The following PRKCA variants were observed in gnomAD, a reference collection of about 807,000 sequenced individuals.
PRKCA encodes protein kinase C alpha.
Under a neutral mutation model 87.0 loss-of-function variants are expected in PRKCA, and 27 were observed. That is an observed-to-expected ratio of 0.31 (90% CI 0.23 to 0.43). The LOEUF (loss-of-function observed/expected upper bound fraction) is 0.43. Among genes scored for constraint, PRKCA ranks in the 20% least tolerant of loss-of-function variants. The pLI is 1.00. For missense variants in PRKCA, 518 were observed against 852.3 expected (o/e 0.61, Z 4.88); for synonymous variants, 329 against 311.1 (o/e 1.06, Z -0.61).
chr17:66,453,621 C>G (rs1228488730), intron 2 of PRKCA, among the ~76,000 whole-genome samples: 1 of 152,116 alleles, frequency 6.6e-6, no homozygotes, highest in Non-Finnish European at 1.5e-5. Context: ...CCCAGCCCCC[C>G]TGATCTTTAG....
At chr17:66,788,724 T>C in intron 15 of PRKCA, 115 bp from the exon 16 acceptor site, 1 of 1,239,648 alleles carries the variant, frequency 8.1e-7, no homozygotes. Context: ...CTCTCTGAGA[T>C]GCTGTCCAGG....
At chr17:66,687,360 C>A in intron 6 of PRKCA, 93 bp downstream of exon 6, 3 of 1,384,690 alleles carry the variant, frequency 2.2e-6, no homozygotes, top group South Asian at 1.4e-5. Context: ...TCATTATAAA[C>A]GTCTTTAAAC....
At chr17:66,450,616 T>C (rs1914259155) in intron 2 of PRKCA, among the ~76,000 whole-genome samples, 1 of 152,156 alleles carries the variant, frequency 6.6e-6, no homozygotes, top group Admixed American at 6.5e-5. Flanking sequence ...ACAGGTGCAC[T>C]TTTTCTCTTG....
intron 2 of PRKCA, among the ~76,000 whole-genome samples, chr17:66,445,375 G>T (rs544150484): frequency 6.6e-6 from 1 of 152,362 alleles, no homozygotes; most frequent in South Asian, 2.1e-4. Context: ...GATCCAGGCT[G>T]ATCCTGACAC....
rs145863652 is a variant in PRKCA at position 66,744,356 on chromosome 17, A to C, written c.1524+1596A>C. ...GTATTTATTCTGAAGCCTGTTACTA[A>C]ATGACAGGTATTAAGCAGGCTGTGA... On this transcript the variant is annotated intron_variant, in intron 13 of 16. Transcript: ENST00000413366. Among the ~76,000 whole-genome samples, 343 of 152,356 alleles carry C rather than the reference A, an allele frequency of 2.3e-3. 2 individuals carry two copies. Among genetic ancestry groups the C allele is most frequent in the Middle Eastern group, 0.01 (3 of 294 alleles).
At chr17:66,389,267 G>T (rs1345971147) in intron 2 of PRKCA, among the ~76,000 whole-genome samples, 4 of 152,192 alleles carry the variant, frequency 2.6e-5, no homozygotes, top group African/African-American at 9.7e-5. Context: ...AGAAAGGCTG[G>T]CCTTGAAGGG....
intron 14 of PRKCA, chr17:66,775,168 G>GA (rs1975018185): frequency 1.0e-6 from 1 of 966,488 alleles, no homozygotes; most frequent in Non-Finnish European, 1.2e-6. Context: ...TGACCCTGTG[G>GA]TCAGTGCCCA....
intron 2 of PRKCA, among the ~76,000 whole-genome samples, chr17:66,386,631 C>T (rs541178945): frequency 2.0e-5 from 3 of 152,202 alleles, no homozygotes; most frequent in South Asian, 4.1e-4. Context: ...TGTGCCTTTG[C>T]ACACTTGAGA....
intron 3 of PRKCA, among the ~76,000 whole-genome samples, chr17:66,612,505 T>A (rs1456808943): frequency 6.6e-6 from 1 of 152,072 alleles, no homozygotes; most frequent in Non-Finnish European, 1.5e-5. Context: ...ATTCTGGTAG[T>A]GGAAGAAACC....
rs930948283 is a variant in PRKCA at position 66,508,707 on chromosome 17, C to T, written c.288+12424C>T. 2.0e-5 allele frequency among the ~76,000 whole-genome samples: 3 copies of T among 152,278 alleles called. No individual in the cohort carries two copies. The East Asian group carries it at 5.8e-4, about 29-fold the overall frequency. On this transcript the variant is annotated intron_variant, in intron 3 of 16. Coordinates refer to ENST00000413366, the MANE Select transcript of PRKCA (RefSeq NM_002737.3). ...TTCCAAGTGCTACGAGTTCTGCTTT[C>T]AACTCTCTTTCCTCTCCATCTCCAT... is the stretch of plus-strand genomic sequence containing the variant.
intron 5 of PRKCA, among the ~76,000 whole-genome samples, chr17:66,650,964 A>C (rs933378368): frequency 4.6e-5 from 7 of 152,208 alleles, no homozygotes; most frequent in Non-Finnish European, 7.3e-5. Flanking sequence ...ACCGTGTCAC[A>C]GACTGTGTGG....
intron 2 of PRKCA, among the ~76,000 whole-genome samples, chr17:66,440,665 C>A (rs1913688065): frequency 6.6e-6 from 1 of 152,062 alleles, no homozygotes; most frequent in Non-Finnish European, 1.5e-5. Flanking sequence ...TTTTTGAGGC[C>A]TGGACAACCC....
intron 3 of PRKCA, among the ~76,000 whole-genome samples, chr17:66,500,305 G>T (rs1049502048): frequency 1.3e-5 from 2 of 152,204 alleles, no homozygotes; most frequent in African/African-American, 4.8e-5. Flanking sequence ...CTGGCTGTAT[G>T]CAGGATGATT....
At chr17:66,669,691 A>C (rs11656338) in intron 5 of PRKCA, among the ~76,000 whole-genome samples, 16,183 of 152,146 alleles carry the variant, frequency 0.11, 935 homozygotes, top group Middle Eastern at 0.18. Flanking sequence ...ACTTGAACTC[A>C]GGAGTTCAAG....
At chr17:66,751,114 C>A (rs1974416989) in intron 13 of PRKCA, among the ~76,000 whole-genome samples, 2 of 152,190 alleles carry the variant, frequency 1.3e-5, no homozygotes, top group Non-Finnish European at 2.9e-5. Flanking sequence ...GATTTCTGAG[C>A]TTATTTCGCC....
chr17:66,683,710 G>A (rs139471600), intron 5 of PRKCA, among the ~76,000 whole-genome samples: 3,856 of 152,082 alleles, frequency 0.025, 68 homozygotes, highest in Middle Eastern at 0.041. Context: ...AGCGATTCTC[G>A]TGCCTCAGTC....
chr17:66,543,472 T>G (rs1425641531), intron 3 of PRKCA, among the ~76,000 whole-genome samples: 2 of 152,228 alleles, frequency 1.3e-5, no homozygotes, highest in East Asian at 1.9e-4. Flanking sequence ...ATGAAATCAG[T>G]GAGTTCCAGC....
At chr17:66,668,041 C>A (rs977838654) in intron 5 of PRKCA, among the ~76,000 whole-genome samples, 1 of 152,166 alleles carries the variant, frequency 6.6e-6, no homozygotes, top group Non-Finnish European at 1.5e-5. Context: ...AAACAATTAT[C>A]AGTGGTCTGG....
chr17:66,805,076 G>T lies in PRKCA; in HGVS notation c.*1039G>T. On this transcript the variant is annotated 3_prime_UTR_variant, in exon 17 of 17. Transcript: ENST00000413366. ...AATGGAAGTGCTGACTCTAGCATCA[G>T]CCTCTACCGATTGATTTTCCTCCCT... The T allele has an allele frequency of 1.0e-6, 1 of 982,568 alleles. No homozygotes were observed. Among genetic ancestry groups the T allele is most frequent in the African/African-American group, 1.7e-5 (1 of 57,280 alleles). 60.9% of individuals were successfully genotyped at this position (982,568 alleles called of 1,614,324 possible). A position where few individuals can be genotyped will look rare whatever the true frequency, so the allele number is the denominator to read the frequency against.
Sources: gnomAD v4.1 joint callset for allele counts (sites outside exome capture counted in the v4.1 genomes callset) on GRCh38, gnomAD v4.1.1 for gene constraint, MANE v1.5 for transcripts, NCBI Gene and HGNC (gene_info 2026-07-23, HGNC 2026-07-21) for gene names.